Variants in VPS13B observed in about 807,000 individuals in gnomAD.
The protein encoded by VPS13B is vacuolar protein sorting 13 homolog B.
Under a neutral mutation model 426.4 loss-of-function variants are expected in VPS13B, and 285 were observed. The ratio of observed to expected loss-of-function variants is 0.67; its 90% CI spans 0.61 to 0.74. The LOEUF (loss-of-function observed/expected upper bound fraction) is 0.74. VPS13B is among the 30% of genes least tolerant of loss of function. VPS13B has a pLI of 0.00. For synonymous variants in VPS13B, 1,676 were observed against 1,676.4 expected (o/e 1.00, Z 0.01); for missense variants, 4,537 against 4,782.6 (o/e 0.95, Z 1.51).
At chr8:99,380,642 C>T (rs1813745605) in intron 19 of VPS13B, among the ~76,000 whole-genome samples, 1 of 151,928 alleles carries the variant, frequency 6.6e-6, no homozygotes. Flanking sequence ...CTGTGGAAAG[C>T]TTTGAAAAAA....
At chr8:99,243,810 G>A (rs973403710) in intron 17 of VPS13B, among the ~76,000 whole-genome samples, 36 of 152,222 alleles carry the variant, frequency 2.4e-4, no homozygotes, top group Non-Finnish European at 2.8e-4. Context: ...CTCAGCTCAT[G>A]CCCAGATGTC....
At chr8:99,508,826 T>C (rs1821637578) in intron 28 of VPS13B, among the ~76,000 whole-genome samples, 1 of 152,046 alleles carries the variant, frequency 6.6e-6, no homozygotes. Flanking sequence ...GTATTATTAC[T>C]GTATGAAAAA....
Position 99,460,734 on chromosome 8 carries a change from G to GT in VPS13B, c.3446-6670dup, listed in dbSNP as rs1005063143. ...TATAAAATTATTGGTTGACTGTTTT[G>GT]TTTTTTTTTTCTTCCTTGGTAGTGT... On this transcript the variant is annotated intron_variant, in intron 23 of 61. Coordinates refer to ENST00000357162, the MANE Select transcript of VPS13B (RefSeq NM_152564.5). Among the ~76,000 whole-genome samples, 29 of 148,774 alleles carry GT rather than the reference G, an allele frequency of 1.9e-4. 1 individual carries two copies. The highest frequency in any genetic ancestry group is 6.4e-4 in the South Asian group (3 of 4,696).
At chr8:99,785,545 A>G (rs907451087) in intron 43 of VPS13B, among the ~76,000 whole-genome samples, 3 of 152,136 alleles carry the variant, frequency 2.0e-5, no homozygotes, top group Non-Finnish European at 4.4e-5. Flanking sequence ...ATTTTTTCAC[A>G]TGATATGGTA....
intron 19 of VPS13B, among the ~76,000 whole-genome samples, chr8:99,344,257 A>C (rs192212962): frequency 6.6e-6 from 1 of 152,360 alleles, no homozygotes; most frequent in East Asian, 1.9e-4. Context: ...GTGCACATGC[A>C]CAAAAATGGA....
intron 52 of VPS13B, among the ~76,000 whole-genome samples, chr8:99,833,479 T>G (rs1815203016): frequency 6.6e-6 from 1 of 152,216 alleles, no homozygotes; most frequent in Admixed American, 6.5e-5. Context: ...GAGAGATTTT[T>G]TTAATAGTAA....
Position 99,111,106 on chromosome 8 carries a change from T to G in VPS13B, c.589T>G (p.Leu197Val). 1 of 1,602,386 alleles carries G rather than the reference T, an allele frequency of 6.2e-7. No homozygotes were observed. ...TTTTTTTTTCTTTTTAGCAACTGAT[T>G]TGGTGCTGAGAAAGGTTATCAATTT... ...RAFMDISATD[L>V]VLRKVINFSD... Residue 197 changes from leucine (L) to valine (V), a missense_variant, in exon 6 of 62, where the codon TTG becomes GTG. This residue lies in a region of VPS13B where 226 missense variants were observed against 308.3 expected (regional missense o/e 0.73). Coordinates refer to ENST00000357162, the MANE Select transcript of VPS13B (RefSeq NM_152564.5).
intron 49 of VPS13B, 130 bp from the exon 50 acceptor site, chr8:99,821,147 CACACACACACACACACA>C: frequency 1.6e-6 from 1 of 624,244 alleles, no homozygotes. Flanking sequence ...CACACACACA[CACACACACACACACACA>C]CACCATGGAG....
At chr8:99,272,646 C>G (rs1236006163) in intron 17 of VPS13B, among the ~76,000 whole-genome samples, 1 of 152,058 alleles carries the variant, frequency 6.6e-6, no homozygotes, top group Non-Finnish European at 1.5e-5. Context: ...GAGGTTCTCC[C>G]TTTTGATTAA....
chr8:99,065,891 T>C (rs1055010650), intron 3 of VPS13B, among the ~76,000 whole-genome samples: 1 of 152,146 alleles, frequency 6.6e-6, no homozygotes, highest in Admixed American at 6.5e-5. Flanking sequence ...ATGAGTGAAC[T>C]CCCATTCACA....
intron 29 of VPS13B, among the ~76,000 whole-genome samples, chr8:99,514,183 A>G (rs12681244): frequency 0.27 from 40,628 of 152,004 alleles, 6,221 homozygotes; most frequent in East Asian, 0.45. Flanking sequence ...TTCACTGGAT[A>G]GGTCTTATTT....
intron 35 of VPS13B, among the ~76,000 whole-genome samples, chr8:99,670,835 G>A (rs1195540726): frequency 2.0e-5 from 3 of 152,088 alleles, no homozygotes; most frequent in Non-Finnish European, 4.4e-5. Flanking sequence ...AGGAGTGAAT[G>A]CTATTCTATT....
chr8:99,427,827 A>T (rs1816814276), intron 21 of VPS13B, among the ~76,000 whole-genome samples: 1 of 152,114 alleles, frequency 6.6e-6, no homozygotes, highest in African/African-American at 2.4e-5. Flanking sequence ...CCGCATTGCC[A>T]AGTCAATCCT....
chr8:99,640,487 C>T (rs533027860), intron 33 of VPS13B, among the ~76,000 whole-genome samples: 77 of 152,076 alleles, frequency 5.1e-4, no homozygotes, highest in Admixed American at 1.4e-3. Context: ...AGCCTGGTCT[C>T]GAACCCCTGG....
At chr8:99,558,888 A>G (rs1224344888) in intron 31 of VPS13B, among the ~76,000 whole-genome samples, 4 of 152,176 alleles carry the variant, frequency 2.6e-5, no homozygotes, top group Non-Finnish European at 5.9e-5. Flanking sequence ...ATGTGTCTTT[A>G]TAGCAGCATG....
chr8:99,397,198 T>C (rs984462408), intron 21 of VPS13B, among the ~76,000 whole-genome samples: 2 of 152,178 alleles, frequency 1.3e-5, no homozygotes, highest in Non-Finnish European at 2.9e-5. Flanking sequence ...CAGGCTGGAG[T>C]GCAGTGACGT....
At chr8:99,066,034 C>T (rs1296382507) in intron 3 of VPS13B, among the ~76,000 whole-genome samples, 1 of 152,182 alleles carries the variant, frequency 6.6e-6, no homozygotes, top group Non-Finnish European at 1.5e-5. Context: ...ATTCCATGCT[C>T]ATGGATAGGA....
At chr8:99,277,615 C>A (rs1183045476) in intron 19 of VPS13B, among the ~76,000 whole-genome samples, 4 of 152,120 alleles carry the variant, frequency 2.6e-5, no homozygotes, top group African/African-American at 9.7e-5. Flanking sequence ...AACTACTTTC[C>A]TGACCACTGT....
intron 2 of VPS13B, among the ~76,000 whole-genome samples, chr8:99,033,275 A>G (rs1842602617): frequency 6.6e-6 from 1 of 152,154 alleles, no homozygotes; most frequent in African/African-American, 2.4e-5. Context: ...TTATTGAAGG[A>G]TAATTTTGCT....
Sources: gnomAD v4.1 joint callset for allele counts (sites outside exome capture counted in the v4.1 genomes callset) on GRCh38, gnomAD v4.1.1 for gene constraint, gnomAD v4.1.1 regional missense constraint, MANE v1.5 for transcripts, NCBI Gene and HGNC (gene_info 2026-07-23, HGNC 2026-07-21) for gene names.